The following COA1 variants were observed in gnomAD, a reference collection of about 807,000 sequenced individuals.
COA1 encodes cytochrome c oxidase assembly factor 1 homolog.
A neutral mutation model predicts 16.0 loss-of-function variants in COA1; 13 were observed. That is an observed-to-expected ratio of 0.81 (90% CI 0.53 to 1.29). The LOEUF is 1.29. Among genes scored for constraint, COA1 ranks in the 50% most tolerant of loss-of-function variants. The pLI, the probability that COA1 is intolerant of heterozygous loss-of-function variation, is 0.00. For synonymous variants in COA1, 65 were observed against 65.7 expected (o/e 0.99, Z 0.05); for missense variants, 179 against 177.0 (o/e 1.01, Z -0.06).
chr7:43,635,816 CTT>C (rs1283721654), downstream of COA1, among the ~76,000 whole-genome samples: 8 of 152,244 alleles, frequency 5.3e-5, no homozygotes, highest in Admixed American at 4.6e-4. Flanking sequence ...TGAAAAATTA[CTT>C]TGTCATTAAG....
intron 1 of COA1, among the ~76,000 whole-genome samples, chr7:43,674,317 T>C (rs1450385308): frequency 6.6e-6 from 1 of 152,234 alleles, no homozygotes; most frequent in Non-Finnish European, 1.5e-5. Flanking sequence ...ATTCTTAAAA[T>C]TCAACTCTGA....
At chr7:43,727,572 G>C (rs1240782526) in intron 1 of COA1, among the ~76,000 whole-genome samples, 1 of 152,196 alleles carries the variant, frequency 6.6e-6, no homozygotes. Flanking sequence ...CAACACAGAT[G>C]AACATGAATG....
chr7:43,610,002 G>T (rs559945167), intron 6 of COA1, among the ~76,000 whole-genome samples: 2 of 152,344 alleles, frequency 1.3e-5, no homozygotes, highest in South Asian at 4.1e-4. Flanking sequence ...CTGATTCAGG[G>T]TAGGGCAAGG....
Position 43,639,466 on chromosome 7 carries a change from C to T in COA1, c.*116G>A. The stretch of plus-strand genomic sequence containing the variant: ...GCACATACCATCATCCCACTGGTGG[C>T]TGGAAAACTGGGTTGCAGGAGTGTC... On this transcript the variant is annotated 3_prime_UTR_variant, in exon 6 of 6. Transcript: ENST00000223336. 1 of 760,426 alleles carries T rather than the reference C, an allele frequency of 1.3e-6. No homozygotes were observed. 47.1% of individuals were successfully genotyped at this position (760,426 alleles called of 1,614,324 possible).
chr7:43,715,405 G>A (rs1001440025), intron 1 of COA1, among the ~76,000 whole-genome samples: 1 of 151,808 alleles, frequency 6.6e-6, no homozygotes, highest in African/African-American at 2.4e-5. Flanking sequence ...GTGAACCCGG[G>A]AGGCAGACGT....
intron 1 of COA1, among the ~76,000 whole-genome samples, chr7:43,698,390 T>G (rs1482897415): frequency 1.3e-5 from 2 of 152,202 alleles, no homozygotes; most frequent in Non-Finnish European, 2.9e-5. Context: ...AATTTACAGA[T>G]GCAGAGGTAT....
intron 1 of COA1, among the ~76,000 whole-genome samples, chr7:43,677,015 C>A (rs1013729890): frequency 3.3e-5 from 5 of 152,150 alleles, no homozygotes; most frequent in Non-Finnish European, 7.4e-5. Context: ...ACTGTTAAGT[C>A]CCCTTGGGGT....
chr7:43,696,211 A>T (rs2094520988), intron 1 of COA1, among the ~76,000 whole-genome samples: 1 of 152,226 alleles, frequency 6.6e-6, no homozygotes, highest in Non-Finnish European at 1.5e-5. Context: ...AATTGAAATG[A>T]ACGGTAAAGA....
At chr7:43,647,241 C>T (rs2153093508) in intron 3 of COA1, 1 of 455,780 alleles carries the variant, frequency 2.2e-6, no homozygotes, top group Non-Finnish European at 3.9e-6. Flanking sequence ...TTTATATAAT[C>T]TCAGAATCTT....
intron 1 of COA1, among the ~76,000 whole-genome samples, chr7:43,666,536 A>C (rs565353677): frequency 6.6e-6 from 1 of 152,366 alleles, no homozygotes; most frequent in African/African-American, 2.4e-5. Context: ...ATTGGCTTAA[A>C]GAAAAATAAG....
chr7:43,726,551 C>T (rs751734671), intron 1 of COA1, among the ~76,000 whole-genome samples: 4 of 152,162 alleles, frequency 2.6e-5, no homozygotes, highest in Admixed American at 1.3e-4. Context: ...AAACTCCATA[C>T]GGAATGGCAA....
chr7:43,715,385 G>A (rs558156567), intron 1 of COA1, among the ~76,000 whole-genome samples: 1 of 151,876 alleles, frequency 6.6e-6, no homozygotes, highest in Non-Finnish European at 1.5e-5. Context: ...GGCTGAGGCA[G>A]GAGAATGGCG....
At chr7:43,619,071 G>C (rs1291561571) in intron 6 of COA1, among the ~76,000 whole-genome samples, 1 of 152,184 alleles carries the variant, frequency 6.6e-6, no homozygotes, top group Non-Finnish European at 1.5e-5. Flanking sequence ...AACAATACAA[G>C]GATGCTTGAC....
intron 1 of COA1, among the ~76,000 whole-genome samples, chr7:43,661,432 TA>T (rs2092415652): frequency 6.6e-6 from 1 of 152,116 alleles, no homozygotes; most frequent in African/African-American, 2.4e-5. Context: ...TCAGGAAATC[TA>T]AACCATTCTG....
At chr7:43,618,701 T>C (rs539646738) in intron 6 of COA1, among the ~76,000 whole-genome samples, 12 of 152,352 alleles carry the variant, frequency 7.9e-5, no homozygotes, top group African/African-American at 2.9e-4. Flanking sequence ...TGTGAAAGTA[T>C]CTTAGGTTAT....
chr7:43,712,095 T>C (rs1479158865), intron 1 of COA1, among the ~76,000 whole-genome samples: 1 of 152,158 alleles, frequency 6.6e-6, no homozygotes, highest in Non-Finnish European at 1.5e-5. Context: ...TTTGTTTTTC[T>C]TCTATCCCTC....
intron 1 of COA1, among the ~76,000 whole-genome samples, chr7:43,699,041 T>A (rs1199840566): frequency 6.6e-6 from 1 of 152,162 alleles, no homozygotes; most frequent in Non-Finnish European, 1.5e-5. Flanking sequence ...TGAAGTGACA[T>A]CTAGGGCTTG....
intron 1 of COA1, among the ~76,000 whole-genome samples, chr7:43,668,387 T>C (rs935908575): frequency 6.6e-6 from 1 of 152,194 alleles, no homozygotes; most frequent in Non-Finnish European, 1.5e-5. Flanking sequence ...AAAAGGCCTA[T>C]GTAGAAATAA....
At chr7:43,704,823 T>C (rs1171259759) in intron 1 of COA1, among the ~76,000 whole-genome samples, 1 of 152,222 alleles carries the variant, frequency 6.6e-6, no homozygotes, top group Non-Finnish European at 1.5e-5. Flanking sequence ...TTCAGCCCGG[T>C]TAAGAACCAT....
Sources: allele counts gnomAD v4.1 joint callset (sites outside exome capture counted in the v4.1 genomes callset), GRCh38; gene constraint gnomAD v4.1.1; transcripts MANE v1.5; gene names NCBI Gene and HGNC (gene_info 2026-07-23, HGNC 2026-07-21).